Variants in FMO1 observed in about 807,000 individuals in gnomAD.
FMO1 encodes flavin-containing monooxygenase 1.
FMO1 carries 36 observed loss-of-function variants against 45.4 expected under a neutral mutation model. That is an observed-to-expected ratio of 0.79 (90% CI 0.61 to 1.05). The LOEUF (loss-of-function observed/expected upper bound fraction) is 1.05. FMO1 is among the 50% of genes least tolerant of loss of function. The pLI is 0.00. For missense variants in FMO1, 615 were observed against 640.3 expected (o/e 0.96, Z 0.43); for synonymous variants, 228 against 227.2 (o/e 1.00, Z -0.03).
intron 1 of FMO1, among the ~76,000 whole-genome samples, chr1:171,257,141 T>C (rs1186058791): frequency 1.3e-5 from 2 of 152,206 alleles, no homozygotes; most frequent in Admixed American, 1.3e-4. Flanking sequence ...GAAGCTACTA[T>C]TGTTTTCTTT....
chr1:171,271,234 C>A (rs1197736751), intron 3 of FMO1: 3 of 972,742 alleles, frequency 3.1e-6, no homozygotes, highest in African/African-American at 1.6e-5. Context: ...AATGGGCAGG[C>A]CAAGTTGTTC....
chr1:171,276,439 C>T (rs190946598), intron 4 of FMO1, among the ~76,000 whole-genome samples: 13 of 152,300 alleles, frequency 8.5e-5, no homozygotes, highest in African/African-American at 2.9e-4. Context: ...TTCTTGAACC[C>T]ATTCAACAAT....
Position 171,285,586 on chromosome 1 carries a change from C to A in FMO1, c.*42C>A. On this transcript the variant is annotated 3_prime_UTR_variant, in exon 9 of 9. Transcript: ENST00000617670. ...ATGGAAGATGCACAGAGTAGATTTA[C>A]AATGCTCCAATTCCTCTCTTACAGC... 1 of 1,164,008 alleles carries A rather than the reference C, an allele frequency of 8.6e-7. No homozygotes were observed. The highest frequency in any genetic ancestry group is 1.2e-6 in the Non-Finnish European group (1 of 823,736). 72.1% of individuals were successfully genotyped at this position (1,164,008 alleles called of 1,614,324 possible). A position where few individuals can be genotyped will look rare whatever the true frequency, so the allele number is the denominator to read the frequency against.
At chr1:171,261,758 T>C (rs1254466451) in intron 2 of FMO1, among the ~76,000 whole-genome samples, 1 of 151,972 alleles carries the variant, frequency 6.6e-6, no homozygotes, top group East Asian at 1.9e-4. Context: ...AATAAATAAA[T>C]AAATTACCGC....
At chr1:171,257,357 G>A (rs1047253829) in intron 1 of FMO1, among the ~76,000 whole-genome samples, 1 of 152,136 alleles carries the variant, frequency 6.6e-6, no homozygotes, top group Admixed American at 6.5e-5. Flanking sequence ...TGGTGACTGT[G>A]CCATGTGCCC....
At chr1:171,270,667 C>T in intron 3 of FMO1, 3 of 1,014,182 alleles carry the variant, frequency 3.0e-6, no homozygotes, top group Non-Finnish European at 3.5e-6. Flanking sequence ...CCATATATAA[C>T]TAATTTGTGC....
intron 3 of FMO1, among the ~76,000 whole-genome samples, chr1:171,272,246 T>C (rs1660902540): frequency 6.6e-6 from 1 of 152,228 alleles, no homozygotes; most frequent in Non-Finnish European, 1.5e-5. Flanking sequence ...AAGTCAAGAA[T>C]TGAGGTTTGG....
chr1:171,268,820 A>T (rs1168590983), intron 3 of FMO1, among the ~76,000 whole-genome samples: 3 of 152,228 alleles, frequency 2.0e-5, no homozygotes, highest in African/African-American at 7.2e-5. Context: ...GTCCTCTGAT[A>T]TGGTTTGGCT....
At chr1:171,266,153 C>G (rs1571340929) in intron 2 of FMO1, among the ~76,000 whole-genome samples, 1 of 152,186 alleles carries the variant, frequency 6.6e-6, no homozygotes, top group East Asian at 1.9e-4. Context: ...CATGATAATA[C>G]AGTCCTATGG....
At position 171,275,464 on chromosome 1, in the gene FMO1, C is replaced by T. The variant is rs541148310; in HGVS notation, c.440C>T (p.Thr147Ile). ...SAIFDAVMVC[T>I]GFLTNPYLPL... ...ATCTTTGATGCTGTCATGGTCTGCA[C>T]TGGCTTTCTTACTAATCCTTATTTG... The change falls in exon 4 of 9, where the codon ACT becomes ATT. Residue 147 changes from threonine (T) to isoleucine (I), a missense_variant. Physicochemically the swap from Thr to Ile is moderately conservative, Grantham distance 89. Transcript: ENST00000617670. 4 of 1,613,568 alleles carry T rather than the reference C, an allele frequency of 2.5e-6. No individual in the cohort carries two copies. The highest frequency in any genetic ancestry group is 3.4e-6 in the Non-Finnish European group (4 of 1,179,662).
At chr1:171,262,859 G>C (rs1660433844) in intron 2 of FMO1, among the ~76,000 whole-genome samples, 1 of 152,096 alleles carries the variant, frequency 6.6e-6, no homozygotes, top group Non-Finnish European at 1.5e-5. Context: ...CCAGAAACTG[G>C]ACCCTGTCCT....
intron 1 of FMO1, among the ~76,000 whole-genome samples, chr1:171,253,353 C>T (rs1442087220): frequency 2.6e-5 from 4 of 152,030 alleles, no homozygotes; most frequent in Non-Finnish European, 4.4e-5. Flanking sequence ...CAAATTAAAC[C>T]CTCTACCTGC....
At chr1:171,264,255 G>A (rs1660505577) in intron 2 of FMO1, among the ~76,000 whole-genome samples, 1 of 151,282 alleles carries the variant, frequency 6.6e-6, no homozygotes, top group Non-Finnish European at 1.5e-5. Flanking sequence ...GGCTTATCCA[G>A]TTCCAATGAA....
intron 1 of FMO1, 91 bp downstream of exon 1, chr1:171,248,714 C>A (rs1294769962): frequency 6.6e-6 from 1 of 152,006 alleles, no homozygotes; most frequent in African/African-American, 2.4e-5. Flanking sequence ...CAGGGAAGAA[C>A]CACCTTATCA....
chr1:171,271,215 G>A lies in FMO1; in HGVS notation c.321+3484G>A, dbSNP rs1660849898. The A allele has an allele frequency of 6.2e-5, 56 of 900,420 alleles. No individual in the cohort carries two copies. In the South Asian group the frequency reaches 7.2e-4, roughly 12 times the overall value. The allele number at this position is 900,420 out of a possible 1,614,324, so 55.8% of individuals were successfully genotyped here. ...TCCACATCTCTCCCAGTTTCTTCAC[G>A]ACATCACTAATGGGCAGGCCAAGTT... On this transcript the variant is annotated intron_variant, in intron 3 of 8. Coordinates refer to ENST00000617670, the MANE Select transcript of FMO1 (RefSeq NM_001282693.2).
chr1:171,267,841 T>A, intron 3 of FMO1, 110 bp downstream of exon 3: 1 of 717,494 alleles, frequency 1.4e-6, no homozygotes, highest in Non-Finnish European at 2.3e-6. Flanking sequence ...CTGGCAATAT[T>A]AATGACACCT....
At position 171,257,337 on chromosome 1, in the gene FMO1, C is replaced by T. The variant is rs142260900; in HGVS notation, c.-6-745C>T. ...GGCCTGGTGCCAGAAGATTCTCTGG[C>T]CCATCCCAGTGGTGACTGTGCCATG... On this transcript the variant is annotated intron_variant, in intron 1 of 8. Transcript: ENST00000617670. Among the ~76,000 whole-genome samples the T allele has an allele frequency of 3.6e-3, 545 of 152,174 alleles. 6 individuals carry two copies. The highest frequency in any genetic ancestry group is 3.3e-3 in the Non-Finnish European group (227 of 68,012).
At chr1:171,270,970 T>A (rs922253054) in intron 3 of FMO1, 7 of 873,626 alleles carry the variant, frequency 8.0e-6, no homozygotes, top group Non-Finnish European at 1.3e-5. Flanking sequence ...ATCTTCTTCA[T>A]CTTCATCTTC....
chr1:171,261,307 C>G (rs1247942097), intron 2 of FMO1, among the ~76,000 whole-genome samples: 1 of 134,730 alleles, frequency 7.4e-6, no homozygotes, highest in East Asian at 2.0e-4. Context: ...TCCCTCCTTC[C>G]CCAACACACA....
Sources: gnomAD v4.1 joint callset for allele counts (sites outside exome capture counted in the v4.1 genomes callset) on GRCh38, gnomAD v4.1.1 for gene constraint, MANE v1.5 for transcripts, NCBI Gene and HGNC (gene_info 2026-07-23, HGNC 2026-07-21) for gene names.